LRMDA: variants seen among roughly 807,000 people sequenced by gnomAD.
LRMDA encodes the protein leucine-rich melanocyte differentiation-associated protein.
Under a neutral mutation model 29.8 loss-of-function variants are expected in LRMDA, and 18 were observed. The ratio of observed to expected loss-of-function variants is 0.60; its 90% CI spans 0.42 to 0.90. The LOEUF is 0.90. Ranked by LOEUF, LRMDA falls within the 40% of genes least tolerant of loss-of-function variation. The probability of loss-of-function intolerance (pLI) is 0.00; values close to 1 mark genes in which losing one functional copy is unlikely to be tolerated. For missense variants in LRMDA, 273 were observed against 273.9 expected, an observed-to-expected ratio of 1.00 and a Z score of 0.02; for synonymous variants, 125 against 109.4, an observed-to-expected ratio of 1.14 and a Z score of -0.89.
intron 5 of LRMDA, among the ~76,000 whole-genome samples, chr10:76,276,830 C>T (rs1387737392): frequency 2.6e-5 from 4 of 152,096 alleles, no homozygotes; most frequent in African/African-American, 2.4e-5. Context: ...ACTATGGGTT[C>T]TGTCTTGCCT....
intron 2 of LRMDA, among the ~76,000 whole-genome samples, chr10:75,571,595 T>C (rs543604647): frequency 1.3e-5 from 2 of 152,350 alleles, no homozygotes; most frequent in African/African-American, 2.4e-5. Flanking sequence ...GGTTTAGTCA[T>C]GGGCACGTAA....
At chr10:75,943,477 C>T (rs1481919380) in intron 2 of LRMDA, among the ~76,000 whole-genome samples, 2 of 152,174 alleles carry the variant, frequency 1.3e-5, no homozygotes, top group Admixed American at 1.3e-4. Flanking sequence ...AACTCATGCT[C>T]TTAACTGCTG....
chr10:75,648,980 C>T (rs1388309562), intron 2 of LRMDA, among the ~76,000 whole-genome samples: 1 of 152,164 alleles, frequency 6.6e-6, no homozygotes, highest in Non-Finnish European at 1.5e-5. Context: ...TGTTTTAAAC[C>T]ACTTTAACCA....
chr10:75,598,694 A>T (rs1312889103), intron 2 of LRMDA, among the ~76,000 whole-genome samples: 1 of 152,178 alleles, frequency 6.6e-6, no homozygotes, highest in Non-Finnish European at 1.5e-5. Flanking sequence ...GCGAGGCTTC[A>T]TATGTAACTC....
chr10:75,843,028 C>T (rs763468047), intron 2 of LRMDA, among the ~76,000 whole-genome samples: 18 of 152,096 alleles, frequency 1.2e-4, no homozygotes, highest in Admixed American at 5.2e-4. Context: ...CTCTAAAATA[C>T]GTAAGTAAAT....
At chr10:75,767,012 A>G (rs1198945046) in intron 2 of LRMDA, among the ~76,000 whole-genome samples, 1 of 152,176 alleles carries the variant, frequency 6.6e-6, no homozygotes, top group Non-Finnish European at 1.5e-5. Context: ...CATGGTGTAT[A>G]TGTACCACGT....
intron 6 of LRMDA, among the ~76,000 whole-genome samples, chr10:76,493,541 A>G (rs2132337564): frequency 6.6e-6 from 1 of 152,272 alleles, no homozygotes; most frequent in South Asian, 2.1e-4. Context: ...GTATTCAATT[A>G]TGTACGTATA....
chr10:75,750,723 G>T (rs560095278), intron 2 of LRMDA, among the ~76,000 whole-genome samples: 21 of 146,318 alleles, frequency 1.4e-4, no homozygotes, highest in African/African-American at 5.3e-4. Flanking sequence ...AGACGGGGCG[G>T]GGGGGCAGAG....
intron 2 of LRMDA, among the ~76,000 whole-genome samples, chr10:75,638,984 C>T (rs1841419709): frequency 6.6e-6 from 1 of 152,144 alleles, no homozygotes; most frequent in African/African-American, 2.4e-5. Flanking sequence ...CCAAATTTAA[C>T]TAGGTTGCAT....
intron 2 of LRMDA, among the ~76,000 whole-genome samples, chr10:75,940,232 C>T (rs1846366022): frequency 6.6e-6 from 1 of 152,078 alleles, no homozygotes; most frequent in Non-Finnish European, 1.5e-5. Flanking sequence ...CTGAAAAATA[C>T]AGAAGGCATT....
intron 5 of LRMDA, among the ~76,000 whole-genome samples, chr10:76,087,622 G>A (rs1290777458): frequency 1.3e-5 from 2 of 152,118 alleles, no homozygotes; most frequent in Non-Finnish European, 2.9e-5. Context: ...GAGCTAAGGG[G>A]GATGCCAGAG....
intron 5 of LRMDA, among the ~76,000 whole-genome samples, chr10:76,284,175 A>T (rs1404803214): frequency 6.6e-6 from 1 of 152,196 alleles, no homozygotes; most frequent in East Asian, 1.9e-4. Flanking sequence ...AACTGGGATT[A>T]CCTTATATGG....
At chr10:75,925,260 C>T (rs1255218054) in intron 2 of LRMDA, among the ~76,000 whole-genome samples, 5 of 151,882 alleles carry the variant, frequency 3.3e-5, no homozygotes, top group Non-Finnish European at 5.9e-5. Flanking sequence ...ATTATTCCTT[C>T]TTCATATACT....
rs1257330353 is a variant in LRMDA, at chr10:76,550,777, C to T, written c.602-6432C>T. 3.9e-5 allele frequency among the ~76,000 whole-genome samples: 6 copies of T among 152,218 alleles called. No individual in the cohort carries two copies. The East Asian group carries it at 9.7e-4, about 25-fold the overall frequency. On this transcript the variant is annotated intron_variant, in intron 6 of 6. Coordinates refer to ENST00000611255, the MANE Select transcript of LRMDA (RefSeq NM_001305581.2). ...CTGGGTGGAGAAGAAGGTCTTTGTC[C>T]TCCTTCCTCAAAAACTGCTTCCACA...
intron 2 of LRMDA, among the ~76,000 whole-genome samples, chr10:75,492,842 T>C (rs1316824512): frequency 1.3e-5 from 2 of 152,196 alleles, no homozygotes; most frequent in Non-Finnish European, 1.5e-5. Flanking sequence ...TGGAGGAAAA[T>C]TGTTTCTGTC....
chr10:75,443,023 G>A (rs1423226327), intron 2 of LRMDA, among the ~76,000 whole-genome samples: 2 of 151,966 alleles, frequency 1.3e-5, no homozygotes, highest in African/African-American at 2.4e-5. Context: ...CTTTGTTGGT[G>A]TATAGGGATG....
At position 76,047,874 on chromosome 10, in the gene LRMDA, C is replaced by T. The variant is rs115316813; in HGVS notation, c.398+571C>T. ...TCTCCACCATAGAGCTATGCCGTGG[C>T]GCCCACCAGCCATGCGCTTTGATGG... is the stretch of plus-strand genomic sequence containing the variant. On this transcript the variant is annotated intron_variant, in intron 4 of 6. Transcript: ENST00000611255. Among the ~76,000 whole-genome samples the T allele has an allele frequency of 4.0e-3, 608 of 152,332 alleles. 3 individuals are homozygous for T. The highest frequency in any genetic ancestry group is 0.013 in the African/African-American group (532 of 41,566).
chr10:75,490,227 A>G (rs1346135208), intron 2 of LRMDA, among the ~76,000 whole-genome samples: 2 of 152,162 alleles, frequency 1.3e-5, no homozygotes, highest in Non-Finnish European at 2.9e-5. Flanking sequence ...TTCTGAACAC[A>G]TATAATTAAC....
At chr10:75,438,729 ATT>A (rs1229571081) in intron 2 of LRMDA, among the ~76,000 whole-genome samples, 1 of 152,088 alleles carries the variant, frequency 6.6e-6, no homozygotes, top group Non-Finnish European at 1.5e-5. Context: ...AGCCTCATCC[ATT>A]TCACACGAGT....
Sources: gnomAD v4.1 joint callset for allele counts (sites outside exome capture counted in the v4.1 genomes callset) on GRCh38, gnomAD v4.1.1 for gene constraint, MANE v1.5 for transcripts, NCBI Gene and HGNC (gene_info 2026-07-23, HGNC 2026-07-21) for gene names.